The following PER2 variants were observed in gnomAD, a reference collection of about 807,000 sequenced individuals.
PER2 encodes the protein period circadian protein homolog 2.
Under a neutral mutation model 121.0 loss-of-function variants are expected in PER2, and 66 were observed. The observed-to-expected ratio is 0.55, with a 90% CI of 0.45 to 0.67. The LOEUF (loss-of-function observed/expected upper bound fraction) is 0.67, where lower values mean the gene tolerates loss of function less well. PER2 is among the 30% of genes least tolerant of loss of function. The pLI is 0.00. For synonymous variants in PER2, 684 were observed against 659.9 expected, an observed-to-expected ratio of 1.04 and a Z score of -0.56; for missense variants, 1,521 against 1,635.0, an observed-to-expected ratio of 0.93 and a Z score of 1.20.
intron 6 of PER2, among the ~76,000 whole-genome samples, chr2:238,270,278 T>C (rs994155163): frequency 1.3e-5 from 2 of 152,186 alleles, no homozygotes; most frequent in African/African-American, 2.4e-5. Context: ...TTTGGTAAAA[T>C]AGTAACTTCC....
At position 238,257,026 on chromosome 2, in the gene PER2, A is replaced by G; in HGVS notation, c.1961T>C (p.Leu654Pro). The G allele has an allele frequency of 1.2e-6, 2 of 1,613,490 alleles. No individual in the cohort carries two copies. ...RTGVGTHLTS[L>P]ALPGKAESVA... is the part of the protein sequence containing the mutation. ...ACTCTCTGCCTTGCCCGGCAGTGCCAGCGAGGTCAGGTGCGTACCTACTCC... is the reference window on the plus strand; with the variant it reads ...ACTCTCTGCCTTGCCCGGCAGTGCCGGCGAGGTCAGGTGCGTACCTACTCC... Residue 654 changes from leucine to proline, a missense_variant, in exon 17 of 23, where the codon CTG (leucine) becomes CCG (proline). Transcript: ENST00000254657.
rs757550564 is a variant in PER2, at chr2:238,246,443, C to G, written c.3700G>C (p.Glu1234Gln). 8 of 1,609,448 alleles carry G rather than the reference C, an allele frequency of 5.0e-6. No homozygotes were observed. The Admixed American group carries it at 1.3e-4, about 27-fold the overall frequency. The change falls in exon 23 of 23, where the codon GAA becomes CAA. Residue 1234 changes from glutamate (E) to glutamine (Q), a missense_variant. Transcript: ENST00000254657. Reference protein sequence around the residue: ...EEDIPSLGLSEVSDTKEDENG... With the variant: ...EEDIPSLGLSQVSDTKEDENG... ...TCGTCTTCTTTGGTGTCCGACACTT[C>G]GCTGAGTCCCAGAGAAGGAATATCT... is the stretch of plus-strand genomic sequence containing the variant.
At chr2:238,264,436 G>A (rs1375446866) in intron 9 of PER2, among the ~76,000 whole-genome samples, 1 of 152,160 alleles carries the variant, frequency 6.6e-6, no homozygotes, top group Non-Finnish European at 1.5e-5. Context: ...AAGCTGTGTG[G>A]CCCTGACTCC....
the PER2 span, chr2:238,299,306 G>C: frequency 6.6e-6 from 1 of 151,374 alleles, no homozygotes; most frequent in African/African-American, 2.4e-5. Context: ...TTGGGAGGCC[G>C]ATGGGGGCAG....
At chr2:238,288,893 C>T (rs1035092321), upstream of PER2, among the ~76,000 whole-genome samples, 2 of 152,002 alleles carry the variant, frequency 1.3e-5, no homozygotes, top group South Asian at 4.1e-4. Context: ...GGCCTACGAA[C>T]GCCGCGCGCC....
chr2:238,298,899 C>T, the PER2 span: 2 of 152,218 alleles, frequency 1.3e-5, no homozygotes, highest in Non-Finnish European at 2.9e-5. Context: ...CAACCTAAGA[C>T]AAACTTTGAA....
At chr2:238,273,760 G>A (rs111726950) in intron 4 of PER2, among the ~76,000 whole-genome samples, 16,659 of 152,066 alleles carry the variant, frequency 0.11, 1,204 homozygotes, top group Admixed American at 0.17. Flanking sequence ...CCACCTCCCA[G>A]GGGTTCAAGC....
At chr2:238,285,568 A>G (rs1039977919) in intron 1 of PER2, among the ~76,000 whole-genome samples, 1 of 152,236 alleles carries the variant, frequency 6.6e-6, no homozygotes, top group African/African-American at 2.4e-5. Flanking sequence ...AAGGCGGAAA[A>G]GCATTTTTTG....
chr2:238,252,691 T>C lies in PER2; in HGVS notation c.3111+221A>G, dbSNP rs1695639554. On this transcript the variant is annotated intron_variant, in intron 19 of 22. Transcript: ENST00000254657. This position sits in a 1 kb window ranked among gnomAD's most constrained non-coding sequence, Gnocchi z 4.2. ...AGTCTGTATCACAATCTCTCCTCCT[T>C]CATTCAGATTCCACGACAATAAAAG... Among the ~76,000 whole-genome samples, 2 of 152,238 alleles carry C rather than the reference T, an allele frequency of 1.3e-5. No individual in the cohort carries two copies. The highest frequency in any genetic ancestry group is 6.5e-5 in the Admixed American group (1 of 15,294).
intron 18 of PER2, chr2:238,254,346 G>C (rs1052800546): frequency 6.5e-6 from 1 of 154,276 alleles, no homozygotes; most frequent in Non-Finnish European, 1.4e-5. Flanking sequence ...GGAGTGGGAG[G>C]GGGATCCAGG....
At chr2:238,295,773 C>A in the PER2 span, 2 of 165,202 alleles carry the variant, frequency 1.2e-5, no homozygotes, top group East Asian at 1.9e-4. Context: ...TTGGGAGACA[C>A]CCTACCCACT....
At position 238,271,374 on chromosome 2, in the gene PER2, C is replaced by A. The variant is rs200865805; in HGVS notation, c.710G>T (p.Gly237Val). The A allele has an allele frequency of 1.2e-6, 2 of 1,614,218 alleles. No homozygotes were observed. The highest frequency in any genetic ancestry group is 1.3e-5 in the African/African-American group (1 of 75,070). ...FVEFLAPHDV[G>V]VFHSFTSPYK... The stretch of plus-strand genomic sequence containing the variant: ...CGGGGAGGTGAAACTGTGGAACACG[C>A]CCACATCGTGAGGCGCCAGGAACTC... The change falls in exon 6 of 23, where the codon GGC becomes GTC. Residue 237 changes from glycine to valine, a missense_variant. Physicochemically the swap from Gly to Val is moderately radical, Grantham distance 109 (BLOSUM62 -3). Transcript: ENST00000254657.
intron 1 of PER2, among the ~76,000 whole-genome samples, chr2:238,279,690 G>A (rs1189872671): frequency 1.3e-5 from 2 of 152,198 alleles, no homozygotes; most frequent in East Asian, 3.9e-4. Context: ...ATCTAGCTCT[G>A]GGAGAGCCTC....
At chr2:238,288,179 A>AG (rs1696845680) in intron 1 of PER2, among the ~76,000 whole-genome samples, 170 bp downstream of exon 1, 1 of 152,192 alleles carries the variant, frequency 6.6e-6, no homozygotes, top group South Asian at 2.1e-4. Flanking sequence ...CAGAAGAGGC[A>AG]GTCAGCTCCC....
intron 1 of PER2, among the ~76,000 whole-genome samples, chr2:238,286,877 T>C (rs1407092246): frequency 6.6e-6 from 1 of 152,220 alleles, no homozygotes; most frequent in Admixed American, 6.5e-5. Flanking sequence ...CTTTCCTTTT[T>C]CCTTGTAAGC....
rs531468436 is a variant in PER2, at chr2:238,248,944, C to G, written c.3618+118G>C. 6.1e-6 allele frequency: 7 copies of G among 1,154,024 alleles called. No homozygotes were observed. In the Admixed American group the frequency reaches 1.0e-4, roughly 17 times the overall value. 71.5% of individuals were successfully genotyped at this position (1,154,024 alleles called of 1,614,324 possible). ...TGCTGGGATTACAGGCGTGAGCCAC[C>G]GCGCCCGGCCTAATTTTAGAAGTTT... On this transcript the variant is annotated intron_variant, in intron 22 of 22. Transcript: ENST00000254657.
chr2:238,276,841 G>A (rs1456705674), intron 3 of PER2, among the ~76,000 whole-genome samples: 1 of 152,144 alleles, frequency 6.6e-6, no homozygotes, highest in Middle Eastern at 3.2e-3. Flanking sequence ...ACCTACGAAG[G>A]GTGAAGAATG....
chr2:238,257,573 A>G (rs1428933296), intron 16 of PER2, among the ~76,000 whole-genome samples: 1 of 152,204 alleles, frequency 6.6e-6, no homozygotes, highest in Non-Finnish European at 1.5e-5. Flanking sequence ...TGCCAGGTAC[A>G]AGCCATTCTC....
rs376844439 is a variant in PER2 at position 238,271,388 on chromosome 2, C to T, written c.696G>A (p.Ala232=). ...FSDAKFVEFL[A]PHDVGVFHSF... Reference sequence around the variant, plus strand: ...TGTGGAACACGCCCACATCGTGAGGCGCCAGGAACTCCACAAACTTGGCAT... The same window carrying T: ...TGTGGAACACGCCCACATCGTGAGGTGCCAGGAACTCCACAAACTTGGCAT... The change falls in exon 6 of 23, where the codon GCG becomes GCA. Residue 232 remains alanine, a synonymous_variant. Coordinates refer to ENST00000254657, the MANE Select transcript of PER2 (RefSeq NM_022817.3). 5.0e-5 allele frequency: 81 copies of T among 1,614,192 alleles called. No homozygotes were observed. Among genetic ancestry groups the T allele is most frequent in the Middle Eastern group, 1.7e-4 (1 of 6,060 alleles).
Sources: gnomAD v4.1 joint callset for allele counts (sites outside exome capture counted in the v4.1 genomes callset) on GRCh38, gnomAD v4.1.1 for gene constraint, Gnocchi (gnomAD v3.1) non-coding constraint, MANE v1.5 for transcripts, NCBI Gene and HGNC (gene_info 2026-07-23, HGNC 2026-07-21) for gene names.